DOCK10: variants seen among roughly 807,000 people sequenced by gnomAD.
DOCK10 encodes dedicator of cytokinesis 10.
In DOCK10, 145 loss-of-function variants were observed where a neutral mutation model predicts 280.1. The ratio of observed to expected loss-of-function variants is 0.52; its 90% CI spans 0.45 to 0.59. DOCK10 has a LOEUF of 0.59. Ranked by LOEUF, DOCK10 falls within the 20% of genes least tolerant of loss-of-function variation. The pLI, the probability that DOCK10 is intolerant of heterozygous loss-of-function variation, is 0.00. For missense variants in DOCK10, 2,368 were observed against 2,651.7 expected (o/e 0.89, Z 2.35); for synonymous variants, 915 against 942.2 (o/e 0.97, Z 0.53).
intron 1 of DOCK10, among the ~76,000 whole-genome samples, chr2:224,934,625 G>C (rs1428641449): frequency 6.6e-6 from 1 of 152,232 alleles, no homozygotes; most frequent in African/African-American, 2.4e-5. Context: ...TAAAGAGACA[G>C]ATGTATACAA....
chr2:224,908,871 G>A (rs1334944448), intron 3 of DOCK10, among the ~76,000 whole-genome samples: 1 of 152,136 alleles, frequency 6.6e-6, no homozygotes, highest in African/African-American at 2.4e-5. Context: ...ATGAGACTTG[G>A]ATGAAGTCTC....
chr2:224,904,962 T>C (rs900186621), intron 3 of DOCK10, among the ~76,000 whole-genome samples: 1 of 152,214 alleles, frequency 6.6e-6, no homozygotes, highest in Admixed American at 6.5e-5. Flanking sequence ...TACTTTTAAA[T>C]TATAGCCAAC....
chr2:224,802,861 G>C (rs1225217280), intron 39 of DOCK10, among the ~76,000 whole-genome samples: 1 of 152,094 alleles, frequency 6.6e-6, no homozygotes, highest in Non-Finnish European at 1.5e-5. Context: ...ACCTAAAAAT[G>C]AGGCAGTGGT....
chr2:224,847,029 T>C (rs957020204), intron 19 of DOCK10, among the ~76,000 whole-genome samples: 7 of 152,224 alleles, frequency 4.6e-5, no homozygotes, highest in Non-Finnish European at 1.0e-4. Flanking sequence ...CAAACATATC[T>C]GTGTTACTGT....
At chr2:224,928,756 T>C (rs900739320) in intron 2 of DOCK10, among the ~76,000 whole-genome samples, 6 of 152,238 alleles carry the variant, frequency 3.9e-5, no homozygotes, top group African/African-American at 1.4e-4. Flanking sequence ...CAGAGATTAA[T>C]TGGAAATGAT....
chr2:224,813,625 C>T (rs1027839709), intron 31 of DOCK10, among the ~76,000 whole-genome samples: 1 of 152,228 alleles, frequency 6.6e-6, no homozygotes, highest in Non-Finnish European at 1.5e-5. Context: ...CAGGACAACC[C>T]GTAAGGGAGG....
At chr2:224,986,030 G>C (rs539572242) in intron 1 of DOCK10, among the ~76,000 whole-genome samples, 1 of 152,118 alleles carries the variant, frequency 6.6e-6, no homozygotes, top group East Asian at 1.9e-4. Context: ...TGTTTTGACC[G>C]TGTCAAATTG....
chr2:225,021,904 G>C (rs1689792938), intron 1 of DOCK10, among the ~76,000 whole-genome samples: 1 of 152,062 alleles, frequency 6.6e-6, no homozygotes, highest in African/African-American at 2.4e-5. Flanking sequence ...AACTAAGATG[G>C]GACCCATACA....
intron 1 of DOCK10, among the ~76,000 whole-genome samples, chr2:224,940,113 A>T (rs942985478): frequency 3.3e-5 from 5 of 152,290 alleles, no homozygotes; most frequent in Admixed American, 2.6e-4. Context: ...TTCCTGCCGA[A>T]CTCTGAATCT....
At chr2:224,766,764 C>T (rs2124913204) in intron 55 of DOCK10, among the ~76,000 whole-genome samples, 1 of 152,276 alleles carries the variant, frequency 6.6e-6, no homozygotes, top group East Asian at 1.9e-4. Context: ...AAACTGAATG[C>T]TTATATGCAT....
Position 224,802,157 on chromosome 2 carries a change from C to A in DOCK10, c.4269-117G>T, listed in dbSNP as rs1574846003. The stretch of plus-strand genomic sequence containing the variant: ...AAATATTAAAAACTAGTTTGGAAAG[C>A]AACTTTTTATTACAAATATTAATTA... On this transcript the variant is annotated intron_variant, in intron 39 of 55. Coordinates refer to ENST00000258390, the MANE Select transcript of DOCK10 (RefSeq NM_014689.3). The A allele has an allele frequency of 2.9e-6, 3 of 1,049,422 alleles. No individual in the cohort carries two copies. In the East Asian group the frequency reaches 8.0e-5, roughly 28 times the overall value. 65.0% of individuals were successfully genotyped at this position (1,049,422 alleles called of 1,614,324 possible). A position where few individuals can be genotyped will look rare whatever the true frequency, so the allele number is the denominator to read the frequency against.
At chr2:224,795,518 A>C (rs1692501358) in intron 44 of DOCK10, among the ~76,000 whole-genome samples, 1 of 152,210 alleles carries the variant, frequency 6.6e-6, no homozygotes, top group South Asian at 2.1e-4. Flanking sequence ...GCTTGGATCA[A>C]AGAGATTCAG....
rs1294623780 is a variant in DOCK10 at position 224,906,028 on chromosome 2, A to G, written c.334-9651T>C. 7.2e-5 allele frequency among the ~76,000 whole-genome samples: 11 copies of G among 152,092 alleles called. 1 individual carries two copies. The highest frequency in any genetic ancestry group is 2.4e-4 in the African/African-American group (10 of 41,392). The stretch of plus-strand genomic sequence containing the variant: ...GATCTCTCTCTGCATGTTGGCAAAT[A>G]AGGTTATCTTCTTTGCTTCATCCTT... On this transcript the variant is annotated intron_variant, in intron 3 of 55. Coordinates refer to ENST00000258390, the MANE Select transcript of DOCK10 (RefSeq NM_014689.3).
In DOCK10 at chr2:224,982,174, T is replaced by A. The variant is rs1227051028; in HGVS notation, c.124-50506A>T. ...TAACCTCTCTATAATAACAGTTCAA[T>A]CCACTGAGGCTGCTTTACCACGGAT... On this transcript the variant is annotated intron_variant, in intron 1 of 55. Coordinates refer to ENST00000258390, the MANE Select transcript of DOCK10 (RefSeq NM_014689.3). The A allele has an allele frequency of 3.3e-6, 4 of 1,225,224 alleles. No homozygotes were observed. In the Admixed American group the frequency reaches 1.7e-4, roughly 52 times the overall value. 75.9% of individuals were successfully genotyped at this position (1,225,224 alleles called of 1,614,324 possible).
chr2:224,991,407 T>C (rs1013905406), intron 1 of DOCK10, among the ~76,000 whole-genome samples: 4 of 152,228 alleles, frequency 2.6e-5, no homozygotes, highest in Admixed American at 6.5e-5. Flanking sequence ...CAAAGGCACA[T>C]AGTACAAAAC....
chr2:225,014,070 A>C (rs1689517106), intron 1 of DOCK10, among the ~76,000 whole-genome samples: 1 of 136,516 alleles, frequency 7.3e-6, no homozygotes, highest in East Asian at 2.2e-4. Flanking sequence ...AATCCCCAGA[A>C]GTCTGAATAT....
At chr2:224,947,279 C>G (rs865929035) in intron 1 of DOCK10, among the ~76,000 whole-genome samples, 1 of 152,180 alleles carries the variant, frequency 6.6e-6, no homozygotes, top group African/African-American at 2.4e-5. Flanking sequence ...ACCCGTGCAA[C>G]CAAATCAAGA....
At chr2:225,021,410 AT>A (rs902921862) in intron 1 of DOCK10, among the ~76,000 whole-genome samples, 3 of 152,178 alleles carry the variant, frequency 2.0e-5, no homozygotes, top group Non-Finnish European at 4.4e-5. Context: ...CCCATTTATG[AT>A]TATGTCCCCC....
Position 224,886,528 on chromosome 2 carries a change from T to C in DOCK10, c.420A>G (p.Ala140=). The C allele has an allele frequency of 1.3e-6, 2 of 1,592,262 alleles. No individual in the cohort carries two copies. The highest frequency in any genetic ancestry group is 3.5e-5 in the Admixed American group (2 of 57,850). ...YSGDIRQLPR[A]EYKPEKLPSH... is the part of the protein sequence containing the mutation. ...AAGGAAGCTTCTCTGGTTTGTATTC[T>C]GCTCTGATATTAAAAAAAAAAAAAG... is the stretch of plus-strand genomic sequence containing the variant. The change falls in exon 5 of 56, where the codon GCA becomes GCG. Residue 140 remains alanine (A), a synonymous_variant. Coordinates refer to ENST00000258390, the MANE Select transcript of DOCK10 (RefSeq NM_014689.3).
Sources: allele counts gnomAD v4.1 joint callset (sites outside exome capture counted in the v4.1 genomes callset), GRCh38; gene constraint gnomAD v4.1.1; transcripts MANE v1.5; gene names NCBI Gene and HGNC (gene_info 2026-07-23, HGNC 2026-07-21).